The following CES4A variants were observed in gnomAD, a reference collection of about 807,000 sequenced individuals.
The protein encoded by CES4A is carboxylesterase 6.
Under a neutral mutation model 65.4 loss-of-function variants are expected in CES4A, and 48 were observed. That is an observed-to-expected ratio of 0.73 (90% CI 0.58 to 0.93). The LOEUF (loss-of-function observed/expected upper bound fraction) is 0.93. Among genes scored for constraint, CES4A ranks in the 40% least tolerant of loss-of-function variants. CES4A has a pLI of 0.00. For synonymous variants in CES4A, 247 were observed against 281.8 expected (o/e 0.88, Z 1.24); for missense variants, 685 against 728.5 (o/e 0.94, Z 0.69).
At chr16:67,006,189 T>A in intron 11 of CES4A, 1 of 576,484 alleles carries the variant, frequency 1.7e-6, no homozygotes, top group Non-Finnish European at 3.1e-6. Context: ...TAAGGAATTA[T>A]TGATACAATT....
chr16:66,998,607 G>C (rs1327834195), intron 2 of CES4A, among the ~76,000 whole-genome samples: 1 of 152,156 alleles, frequency 6.6e-6, no homozygotes, highest in East Asian at 1.9e-4. Context: ...CGTGGCTCAT[G>C]CCTGTAATCC....
intron 5 of CES4A, 90 bp from the exon 6 acceptor site, chr16:67,002,980 G>C: frequency 9.0e-7 from 1 of 1,108,130 alleles, no homozygotes; most frequent in Non-Finnish European, 1.4e-6. Context: ...CTTCACTCAG[G>C]CTGCCTGCCC....
chr16:67,000,415 G>T lies in CES4A; in HGVS notation c.261-223G>T, dbSNP rs1303332845. ...AGCAGGAATCTCTCCACGGACTGAG[G>T]CGCCGGGCAGGGAGGGGATGGTTCC... On this transcript the variant is annotated intron_variant, in intron 2 of 13. Coordinates refer to ENST00000648724, the Ensembl canonical transcript of CES4A. The surrounding 1 kb of genome is among the most constrained non-coding windows in gnomAD (Gnocchi z 4.2). 7.4e-7 allele frequency: 1 copy of T among 1,351,526 alleles called. No individual in the cohort carries two copies. The highest frequency in any genetic ancestry group is 1.5e-5 in the African/African-American group (1 of 66,992). The allele number at this position is 1,351,526 out of a possible 1,614,324, so 83.7% of individuals were successfully genotyped here.
At chr16:66,997,939 C>A (rs977834164) in intron 2 of CES4A, among the ~76,000 whole-genome samples, 3 of 134,516 alleles carry the variant, frequency 2.2e-5, no homozygotes, top group East Asian at 2.2e-4. Context: ...AGAGTGAGAC[C>A]CTATCTAAAA....
intron 11 of CES4A, 30 bp downstream of exon 11, chr16:67,005,423 T>G (rs1965679298): frequency 6.2e-7 from 1 of 1,608,028 alleles, no homozygotes; most frequent in Non-Finnish European, 8.5e-7. Flanking sequence ...GTGGCCACAC[T>G]GGCCCCGTCC....
At chr16:66,990,327 G>T (rs1964291136) in intron 1 of CES4A, among the ~76,000 whole-genome samples, 1 of 152,040 alleles carries the variant, frequency 6.6e-6, no homozygotes, top group Non-Finnish European at 1.5e-5. Flanking sequence ...TGCTGGGACC[G>T]CAGGCATGAG....
In CES4A at chr16:67,001,057, A is replaced by AGGGGCGGGGCCT. The variant is rs1264197390; in HGVS notation, c.536+77_536+88dup. The AGGGGCGGGGCCT allele has an allele frequency of 5.6e-6, 1 of 177,424 alleles. No homozygotes were observed. The allele number at this position is 177,424 out of a possible 1,614,324, so 11.0% of individuals were successfully genotyped here. On this transcript the variant is annotated intron_variant, in intron 4 of 13. Transcript: ENST00000648724. The surrounding 1 kb of genome is among the most constrained non-coding windows in gnomAD (Gnocchi z 4.1). The stretch of plus-strand genomic sequence containing the variant: ...AGCGGCGGGGACTGGGTGGGAAGGG[A>AGGGGCGGGGCCT]GGGGCGGGGCCTGGGGCGGGGATGG...
intron 1 of CES4A, among the ~76,000 whole-genome samples, chr16:66,995,227 G>C (rs910036626): frequency 6.8e-6 from 1 of 148,056 alleles, no homozygotes; most frequent in Non-Finnish European, 1.5e-5. Flanking sequence ...GGAGAATGGC[G>C]TGAATCTGGG....
intron 2 of CES4A, among the ~76,000 whole-genome samples, chr16:66,998,459 C>A (rs921021497): frequency 6.6e-6 from 1 of 152,076 alleles, no homozygotes; most frequent in South Asian, 2.1e-4. Flanking sequence ...TGTGATGGTG[C>A]GTGCTTGTAG....
rs920826267 is a variant in CES4A, at chr16:67,001,713, G to GTGCT, written c.690+253_690+256dup. Among the ~76,000 whole-genome samples, 2 of 152,230 alleles carry GTGCT rather than the reference G, an allele frequency of 1.3e-5. No homozygotes were observed. Among genetic ancestry groups the GTGCT allele is most frequent in the African/African-American group, 2.4e-5 (1 of 41,456 alleles). ...GGCTTGGGGTAATCAGTGAATCCAG[G>GTGCT]TGCTACCCAGCACCTTCTGCCTCTC... On this transcript the variant is annotated intron_variant, in intron 5 of 13. Coordinates refer to ENST00000648724, the Ensembl canonical transcript of CES4A. The surrounding 1 kb of genome is among the most constrained non-coding windows in gnomAD (Gnocchi z 4.1).
intron 9 of CES4A, 148 bp from the exon 10 acceptor site, chr16:67,004,645 A>C (rs1404916351): frequency 9.0e-6 from 6 of 663,420 alleles, no homozygotes; most frequent in African/African-American, 1.8e-5. Context: ...GGGGGACAAG[A>C]GAGAGTCATG....
At chr16:67,009,885 G>A (rs1966044045), downstream of CES4A, 1 of 152,136 alleles carries the variant, frequency 6.6e-6, no homozygotes, top group Non-Finnish European at 1.5e-5. Flanking sequence ...AAGTTGCCTG[G>A]GGTACAAAAC....
rs771650635 is a variant in CES4A, at chr16:67,003,593, C to T, written c.939+40C>T. 3 of 1,547,170 alleles carry T rather than the reference C, an allele frequency of 1.9e-6. No homozygotes were observed. The South Asian group carries it at 3.3e-5, about 17-fold the overall frequency. On this transcript the variant is annotated intron_variant, in intron 8 of 13. Transcript: ENST00000648724. This position sits in a 1 kb window ranked among gnomAD's most constrained non-coding sequence, Gnocchi z 4.2. Reference sequence around the variant, plus strand: ...TTCTGCAATTTGAGTATTTATTTAACACCTACTTTGTGCCAGGCACTTGGG... The same window carrying T: ...TTCTGCAATTTGAGTATTTATTTAATACCTACTTTGTGCCAGGCACTTGGG...
intron 1 of CES4A, 81 bp from the exon 2 acceptor site, chr16:66,995,547 T>C (rs1042630118): frequency 8.0e-7 from 1 of 1,244,558 alleles, no homozygotes; most frequent in Non-Finnish European, 1.2e-6. Context: ...TTGGTCCCAT[T>C]TGTGGCTGAG....
intron 2 of CES4A, among the ~76,000 whole-genome samples, chr16:66,999,290 T>C (rs1290253728): frequency 6.6e-6 from 1 of 152,140 alleles, no homozygotes; most frequent in East Asian, 1.9e-4. Context: ...CCAGCTGTTA[T>C]GAGAATAGCC....
intron 1 of CES4A, among the ~76,000 whole-genome samples, chr16:66,995,076 C>T (rs971157638): frequency 6.6e-6 from 1 of 151,476 alleles, no homozygotes; most frequent in Admixed American, 6.6e-5. Context: ...CTTTGGGAGG[C>T]CAAGGCGGGC....
At chr16:67,004,193 A>G in exon 9 of CES4A, 3 of 1,614,192 alleles carry the variant, frequency 1.9e-6, no homozygotes, top group Non-Finnish European at 2.5e-6. Context: ...CTAGGTGTCA[A>G]CAACCTGGAA....
rs1436865454 is a variant in CES4A, at chr16:67,000,631, C to T, written c.261-7C>T. 6.5e-6 allele frequency: 10 copies of T among 1,536,586 alleles called. No individual in the cohort carries two copies. The highest frequency in any genetic ancestry group is 8.8e-6 in the Non-Finnish European group (10 of 1,138,464). ...CCGCGGCCGCCGCCGCTACCTGGTG[C>T]CCGCAGGTGCCTGCAGGAGTCCTGG... On this transcript the variant is annotated splice_polypyrimidine_tract_variant and splice_region_variant and intron_variant, in intron 2 of 13. Coordinates refer to ENST00000648724, the Ensembl canonical transcript of CES4A. This position sits in a 1 kb window ranked among gnomAD's most constrained non-coding sequence, Gnocchi z 4.2.
At position 67,004,881 on chromosome 16, in the gene CES4A, AC is replaced by A. The variant is rs1204642296; in HGVS notation, c.1161+11del. Reference sequence around the variant, plus strand: ...AGTACCCGCACCCTGTTGGTGAGGGACCCAGCTGGCAGGGGTGCTCAGTTCG... The same window carrying A: ...AGTACCCGCACCCTGTTGGTGAGGGACCAGCTGGCAGGGGTGCTCAGTTCG... On this transcript the variant is annotated intron_variant, in intron 10 of 13. Transcript: ENST00000648724. The A allele has an allele frequency of 6.5e-7, 1 of 1,534,624 alleles. No homozygotes were observed. The highest frequency in any genetic ancestry group is 1.2e-5 in the South Asian group (1 of 84,018).
Sources: gnomAD v4.1 joint callset for allele counts (sites outside exome capture counted in the v4.1 genomes callset) on GRCh38, gnomAD v4.1.1 for gene constraint, Gnocchi (gnomAD v3.1) non-coding constraint, MANE v1.5 for transcripts, NCBI Gene and HGNC (gene_info 2026-07-23, HGNC 2026-07-21) for gene names.